PARD3B: variants seen among roughly 807,000 people sequenced by gnomAD.
The protein encoded by PARD3B is partitioning defective 3 homolog B.
Under a neutral mutation model 130.2 loss-of-function variants are expected in PARD3B, and 103 were observed. The ratio of observed to expected loss-of-function variants is 0.79; its 90% CI spans 0.67 to 0.93. PARD3B has a LOEUF of 0.93. Among genes scored for constraint, PARD3B ranks in the 40% least tolerant of loss-of-function variants. The probability of loss-of-function intolerance (pLI) is 0.00; values close to 1 mark genes in which losing one functional copy is unlikely to be tolerated. For synonymous variants in PARD3B, 583 were observed against 553.2 expected, an observed-to-expected ratio of 1.05 and a Z score of -0.76; for missense variants, 1,609 against 1,499.2, an observed-to-expected ratio of 1.07 and a Z score of -1.21.
chr2:205,110,226 A>G (rs138135531), intron 5 of PARD3B, among the ~76,000 whole-genome samples: 1 of 152,324 alleles, frequency 6.6e-6, no homozygotes, highest in Non-Finnish European at 1.5e-5. Flanking sequence ...CCTTGTGTAA[A>G]GAAATGAGAC....
At chr2:205,164,822 T>TACGCACAC (rs71409002) in intron 11 of PARD3B, among the ~76,000 whole-genome samples, 20 of 147,244 alleles carry the variant, frequency 1.4e-4, no homozygotes, top group Admixed American at 1.3e-3. Context: ...TATATATGTA[T>TACGCACAC]ACACACACAC....
rs190253704 is a variant in PARD3B at position 205,568,622 on chromosome 2, C to A, written c.3260+15219C>A. On this transcript the variant is annotated intron_variant, in intron 22 of 22. Coordinates refer to ENST00000406610, the MANE Select transcript of PARD3B (RefSeq NM_001302769.2). This position sits in a 1 kb window ranked among gnomAD's most constrained non-coding sequence, Gnocchi z 5.3. ...GTTTGAGTGTGTGCTGTGGCTTTAC[C>A]TAGGATCGTGGCTATACACACAGGC... Among the ~76,000 whole-genome samples the A allele has an allele frequency of 4.6e-5, 7 of 152,240 alleles. No individual in the cohort carries two copies. Among genetic ancestry groups the A allele is most frequent in the African/African-American group, 1.4e-4 (6 of 41,550 alleles).
intron 20 of PARD3B, among the ~76,000 whole-genome samples, chr2:205,487,220 C>T (rs1325513884): frequency 2.0e-5 from 3 of 152,146 alleles, no homozygotes. Context: ...CACCGAGGGT[C>T]GAGCTCCTAA....
At chr2:205,336,592 T>C (rs1395497825) in intron 18 of PARD3B, among the ~76,000 whole-genome samples, 1 of 152,240 alleles carries the variant, frequency 6.6e-6, no homozygotes, top group East Asian at 1.9e-4. Context: ...CTGGTGAATT[T>C]GGGACACATT....
At chr2:205,505,662 G>T (rs1053158458) in intron 21 of PARD3B, among the ~76,000 whole-genome samples, 1 of 152,136 alleles carries the variant, frequency 6.6e-6, no homozygotes, top group African/African-American at 2.4e-5. Flanking sequence ...TTATCTGCTG[G>T]TATTTTATTT....
intron 2 of PARD3B, among the ~76,000 whole-genome samples, chr2:204,915,882 A>T (rs2125736768): frequency 6.6e-6 from 1 of 152,350 alleles, no homozygotes; most frequent in East Asian, 1.9e-4. Context: ...GTAAAAATCA[A>T]ATATGGAATA....
In PARD3B at chr2:204,771,032, A is replaced by C. The variant is rs1253626363; in HGVS notation, c.222+84750A>C. On this transcript the variant is annotated intron_variant, in intron 2 of 22. Transcript: ENST00000406610. Reference sequence around the variant, plus strand: ...TATAAATTAGGCTTATTGTTTAGCAAATCGCTGGTGTTAGGTAAGAATTGT... The same window carrying C: ...TATAAATTAGGCTTATTGTTTAGCACATCGCTGGTGTTAGGTAAGAATTGT... Among the ~76,000 whole-genome samples, 4 of 152,116 alleles carry C rather than the reference A, an allele frequency of 2.6e-5. No homozygotes were observed. The East Asian group carries it at 5.8e-4, about 22-fold the overall frequency.
At chr2:204,599,893 G>A (rs1009259504) in intron 1 of PARD3B, among the ~76,000 whole-genome samples, 2 of 151,744 alleles carry the variant, frequency 1.3e-5, no homozygotes, top group Admixed American at 1.3e-4. Context: ...TAACTGGGGT[G>A]ACATGATATC....
At chr2:205,375,517 T>A (rs927807156) in intron 18 of PARD3B, among the ~76,000 whole-genome samples, 1 of 152,148 alleles carries the variant, frequency 6.6e-6, no homozygotes, top group Non-Finnish European at 1.5e-5. Flanking sequence ...TACATTTTTT[T>A]AGAAATGAAC....
chr2:204,784,000 TC>T (rs1236454660), intron 2 of PARD3B, among the ~76,000 whole-genome samples: 1 of 152,140 alleles, frequency 6.6e-6, no homozygotes, highest in Non-Finnish European at 1.5e-5. Flanking sequence ...GAGACTGAGT[TC>T]CTGGGTTCAG....
intron 20 of PARD3B, among the ~76,000 whole-genome samples, chr2:205,467,996 T>G (rs1326932311): frequency 6.6e-6 from 1 of 152,176 alleles, no homozygotes; most frequent in Non-Finnish European, 1.5e-5. Flanking sequence ...TTCCCCACAT[T>G]AGGTGCCAGA....
intron 13 of PARD3B, among the ~76,000 whole-genome samples, chr2:205,185,292 A>G (rs910627699): frequency 5.9e-5 from 9 of 152,034 alleles, no homozygotes; most frequent in Non-Finnish European, 7.4e-5. Flanking sequence ...GTTTATCTCC[A>G]CTATGTCTAA....
At chr2:204,656,650 T>C (rs1270268353) in intron 1 of PARD3B, among the ~76,000 whole-genome samples, 2 of 152,214 alleles carry the variant, frequency 1.3e-5, no homozygotes, top group Non-Finnish European at 2.9e-5. Context: ...TCATAAGCAC[T>C]GTCCATGTTT....
intron 13 of PARD3B, among the ~76,000 whole-genome samples, chr2:205,177,408 T>C (rs1445417446): frequency 6.6e-6 from 1 of 152,222 alleles, no homozygotes; most frequent in African/African-American, 2.4e-5. Context: ...TAATGAAATG[T>C]ATGTAATGTT....
At position 204,818,193 on chromosome 2, in the gene PARD3B, A is replaced by AG. The variant is rs543235137; in HGVS notation, c.222+131912dup. ...CTTTCAAGTGATTATGAATCCAAAA[A>AG]GTAGAATTACAAGAATTAACTAGTA... On this transcript the variant is annotated intron_variant, in intron 2 of 22. Coordinates refer to ENST00000406610, the MANE Select transcript of PARD3B (RefSeq NM_001302769.2). 8.5e-5 allele frequency among the ~76,000 whole-genome samples: 13 copies of AG among 152,324 alleles called. No homozygotes were observed. In the South Asian group the frequency reaches 2.7e-3, roughly 32 times the overall value.
At chr2:204,698,060 C>T (rs191704880) in intron 2 of PARD3B, among the ~76,000 whole-genome samples, 5 of 152,164 alleles carry the variant, frequency 3.3e-5, no homozygotes, top group Middle Eastern at 3.4e-3. Context: ...AGGAACATGG[C>T]GTCAGAGCCA....
At position 205,276,013 on chromosome 2, in the gene PARD3B, G is replaced by C. The variant is rs2040933561; in HGVS notation, c.2186-24517G>C. ...ATGGAAAGCAGACACAGTAATCTCA[G>C]GTGTGTTCATATTATCATTATTTAG... On this transcript the variant is annotated intron_variant, in intron 16 of 22. Coordinates refer to ENST00000406610, the MANE Select transcript of PARD3B (RefSeq NM_001302769.2). This position sits in a 1 kb window ranked among gnomAD's most constrained non-coding sequence, Gnocchi z 5.0. 6.6e-6 allele frequency among the ~76,000 whole-genome samples: 1 copy of C among 152,072 alleles called. No homozygotes were observed. Among genetic ancestry groups the C allele is most frequent in the Admixed American group, 6.6e-5 (1 of 15,266 alleles).
chr2:204,653,154 G>T (rs932170913), intron 1 of PARD3B, among the ~76,000 whole-genome samples: 2 of 150,724 alleles, frequency 1.3e-5, no homozygotes, highest in Non-Finnish European at 2.9e-5. Flanking sequence ...GGATCAGAAA[G>T]AATAACTATT....
At chr2:204,659,361 T>C (rs1409857440) in intron 1 of PARD3B, among the ~76,000 whole-genome samples, 1 of 152,182 alleles carries the variant, frequency 6.6e-6, no homozygotes, top group Non-Finnish European at 1.5e-5. Context: ...CGCCAAGATA[T>C]TCTTGTGTGA....
Sources: gnomAD v4.1 joint callset for allele counts (sites outside exome capture counted in the v4.1 genomes callset) on GRCh38, gnomAD v4.1.1 for gene constraint, Gnocchi (gnomAD v3.1) non-coding constraint, MANE v1.5 for transcripts, NCBI Gene and HGNC (gene_info 2026-07-23, HGNC 2026-07-21) for gene names.